The following CSTPP1 variants were observed in gnomAD, a reference collection of about 807,000 sequenced individuals.
CSTPP1 encodes UPF0705 protein C11orf49.
At chr11:46,968,244 C>CTG in the CSTPP1 span, among the ~76,000 whole-genome samples, 3 of 151,374 alleles carry the variant, frequency 2.0e-5, no homozygotes, top group Admixed American at 6.6e-5. Flanking sequence ...CAGTTGAAAT[C>CTG]AAAGGCCTTC....
chr11:46,961,308 C>T, the CSTPP1 span, among the ~76,000 whole-genome samples: 1 of 152,120 alleles, frequency 6.6e-6, no homozygotes. Context: ...TTGCATTTCC[C>T]TAATGATTAA....
At chr11:47,139,534 C>T in the CSTPP1 span, among the ~76,000 whole-genome samples, 5 of 152,032 alleles carry the variant, frequency 3.3e-5, no homozygotes, top group African/African-American at 4.8e-5. Flanking sequence ...ATTAGCCTGG[C>T]GTGGTGGCAG....
At chr11:47,027,946 C>T in the CSTPP1 span, among the ~76,000 whole-genome samples, 3 of 121,906 alleles carry the variant, frequency 2.5e-5, no homozygotes, top group Non-Finnish European at 4.9e-5. Context: ...TTTTTTGAGA[C>T]GGAGTCTTGC....
At chr11:46,950,591 A>C in the CSTPP1 span, among the ~76,000 whole-genome samples, 6 of 152,038 alleles carry the variant, frequency 3.9e-5, 1 homozygote, top group South Asian at 1.0e-3. Flanking sequence ...ATACTGTCTT[A>C]AGTAGAAACT....
chr11:46,978,886 G>A, the CSTPP1 span, among the ~76,000 whole-genome samples: 1 of 152,018 alleles, frequency 6.6e-6, no homozygotes, highest in Non-Finnish European at 1.5e-5. Flanking sequence ...GTATCTTTTT[G>A]TCATTAGAAA....
the CSTPP1 span, chr11:47,162,055 T>C: frequency 1.0e-6 from 1 of 990,604 alleles, no homozygotes; most frequent in Non-Finnish European, 1.2e-6. Context: ...CCATCAAGGG[T>C]GACACCTGCG....
the CSTPP1 span, among the ~76,000 whole-genome samples, chr11:46,983,316 G>A: frequency 6.6e-6 from 1 of 152,160 alleles, no homozygotes; most frequent in Non-Finnish European, 1.5e-5. Flanking sequence ...GGATCATATA[G>A]TGTTTACTTA....
At chr11:47,047,118 C>G in the CSTPP1 span, among the ~76,000 whole-genome samples, 2 of 152,080 alleles carry the variant, frequency 1.3e-5, no homozygotes, top group East Asian at 3.9e-4. Context: ...CCAGGCTGGT[C>G]TTGAACTCCT....
At chr11:47,147,770 C>T in the CSTPP1 span, among the ~76,000 whole-genome samples, 2 of 152,280 alleles carry the variant, frequency 1.3e-5, no homozygotes, top group African/African-American at 4.8e-5. Flanking sequence ...TAACCTGAGT[C>T]AGGTTTCTTA....
the CSTPP1 span, among the ~76,000 whole-genome samples, chr11:47,159,477 G>A: frequency 4.6e-5 from 7 of 151,382 alleles, no homozygotes; most frequent in Non-Finnish European, 8.9e-5. Flanking sequence ...GCCATTGCAC[G>A]CCAGCCTGTG....
the CSTPP1 span, among the ~76,000 whole-genome samples, chr11:46,955,334 A>G: frequency 6.6e-6 from 1 of 151,182 alleles, no homozygotes; most frequent in East Asian, 1.9e-4. Context: ...TCCATCCAAA[A>G]TACAGTAGTG....
At chr11:46,991,139 C>T in the CSTPP1 span, among the ~76,000 whole-genome samples, 1 of 151,384 alleles carries the variant, frequency 6.6e-6, no homozygotes, top group South Asian at 2.1e-4. Context: ...GAAGAGTAAT[C>T]CTTATAGGCT....
chr11:47,048,902 A>T, the CSTPP1 span, among the ~76,000 whole-genome samples: 54 of 152,254 alleles, frequency 3.5e-4, no homozygotes, highest in Admixed American at 1.3e-4. Context: ...ATTCTAAAAA[A>T]TAATATCAGA....
At chr11:47,089,335 A>G in the CSTPP1 span, among the ~76,000 whole-genome samples, 1 of 152,316 alleles carries the variant, frequency 6.6e-6, no homozygotes, top group African/African-American at 2.4e-5. Context: ...ATATATTTAT[A>G]TATGGGTCCA....
the CSTPP1 span, among the ~76,000 whole-genome samples, chr11:47,037,392 A>T: frequency 0.078 from 9,157 of 116,684 alleles, 2,074 homozygotes; most frequent in Non-Finnish European, 0.11. Flanking sequence ...TATTATTATT[A>T]TTTTTTTTTT....
the CSTPP1 span, among the ~76,000 whole-genome samples, chr11:46,951,427 G>A: frequency 6.6e-6 from 1 of 151,546 alleles, no homozygotes; most frequent in African/African-American, 2.4e-5. Flanking sequence ...CTCCCAGGTA[G>A]CTGGGACTAT....
chr11:47,059,479 C>T, the CSTPP1 span, among the ~76,000 whole-genome samples: 1 of 151,948 alleles, frequency 6.6e-6, no homozygotes, highest in African/African-American at 2.4e-5. Flanking sequence ...TCTATAGAAG[C>T]GGGTGAAGGC....
At chr11:47,053,485 G>T in the CSTPP1 span, among the ~76,000 whole-genome samples, 1 of 151,924 alleles carries the variant, frequency 6.6e-6, no homozygotes, top group African/African-American at 2.4e-5. Context: ...CAGGTGTGGT[G>T]GCGCACTCCT....
the CSTPP1 span, among the ~76,000 whole-genome samples, chr11:47,084,235 G>A: frequency 1.3e-5 from 2 of 152,030 alleles, no homozygotes; most frequent in African/African-American, 2.4e-5. Context: ...CAAATATTTT[G>A]CCCAATTTTT....
Sources: allele counts gnomAD v4.1 joint callset (sites outside exome capture counted in the v4.1 genomes callset), GRCh38; gene constraint gnomAD v4.1.1; transcripts MANE v1.5; gene names NCBI Gene and HGNC (gene_info 2026-07-23, HGNC 2026-07-21).